Variants in NOD1 observed in about 807,000 individuals in gnomAD.
NOD1 encodes nucleotide binding oligomerization domain containing 1.
A neutral mutation model predicts 81.2 loss-of-function variants in NOD1; 70 were observed. That is an observed-to-expected ratio of 0.86 (90% CI 0.71 to 1.05). NOD1 has a LOEUF of 1.05. NOD1 is among the 50% of genes least tolerant of loss of function. NOD1 has a pLI of 0.00. For synonymous variants in NOD1, 508 were observed against 526.9 expected, an observed-to-expected ratio of 0.96 and a Z score of 0.49; for missense variants, 1,233 against 1,228.0, an observed-to-expected ratio of 1.00 and a Z score of -0.06.
chr7:30,462,664 T>C (rs2063142612), intron 1 of NOD1, among the ~76,000 whole-genome samples: 1 of 152,012 alleles, frequency 6.6e-6, no homozygotes, highest in South Asian at 2.1e-4. Context: ...AAAGAGTACT[T>C]AGGGCTGGGT....
At chr7:30,464,682 C>G (rs899472621) in intron 1 of NOD1, among the ~76,000 whole-genome samples, 2 of 152,198 alleles carry the variant, frequency 1.3e-5, no homozygotes, top group Non-Finnish European at 1.5e-5. Flanking sequence ...CTGTGGGGAA[C>G]AGGGGCACTC....
intron 10 of NOD1, 68 bp downstream of exon 10, chr7:30,437,505 T>TC: frequency 9.8e-7 from 1 of 1,021,378 alleles, no homozygotes; most frequent in African/African-American, 1.7e-5. Context: ...GAATCACCCT[T>TC]CCCCAGCAAA....
intron 12 of NOD1, among the ~76,000 whole-genome samples, chr7:30,431,495 A>G (rs59749412): frequency 0.29 from 43,843 of 152,138 alleles, 6,425 homozygotes; most frequent in Middle Eastern, 0.34. Context: ...AAACCCATAC[A>G]TTTATGGTCA....
chr7:30,435,948 A>T, intron 11 of NOD1, 50 bp downstream of exon 11: 1 of 1,464,140 alleles, frequency 6.8e-7, no homozygotes, highest in South Asian at 1.1e-5. Flanking sequence ...ACAAAGCAAG[A>T]CCCTATCACA....
chr7:30,463,295 A>G (rs1188662039), intron 1 of NOD1, among the ~76,000 whole-genome samples: 1 of 152,240 alleles, frequency 6.6e-6, no homozygotes, highest in Non-Finnish European at 1.5e-5. Context: ...AAGGCAAAAT[A>G]AAGTTTTTCC....
chr7:30,430,046 C>T (rs1006165859), intron 12 of NOD1, among the ~76,000 whole-genome samples: 2 of 152,010 alleles, frequency 1.3e-5, no homozygotes, highest in Admixed American at 6.6e-5. Flanking sequence ...TGGGAGACCA[C>T]CAATCTGAAC....
chr7:30,463,007 G>C (rs569002903), intron 1 of NOD1, among the ~76,000 whole-genome samples: 7 of 150,724 alleles, frequency 4.6e-5, no homozygotes, highest in Non-Finnish European at 8.9e-5. Context: ...CTAGAAATCA[G>C]ATCAATGGTT....
chr7:30,449,921 G>A (rs1407260526), intron 6 of NOD1, among the ~76,000 whole-genome samples: 3 of 152,228 alleles, frequency 2.0e-5, no homozygotes, highest in East Asian at 1.9e-4. Context: ...GGTCGGGTGC[G>A]GCGGCTCATG....
intron 10 of NOD1, 74 bp from the exon 11 acceptor site, chr7:30,436,155 G>GC: frequency 8.1e-7 from 1 of 1,228,650 alleles, no homozygotes; most frequent in Non-Finnish European, 1.2e-6. Context: ...CATCAGAACA[G>GC]CTGGGAAGCC....
intron 4 of NOD1, 121 bp downstream of exon 4, chr7:30,456,600 C>G: frequency 1.2e-6 from 1 of 810,806 alleles, no homozygotes; most frequent in South Asian, 1.5e-5. Context: ...ATTAGTACCC[C>G]AAAATGCAGC....
intron 4 of NOD1, 110 bp downstream of exon 4, chr7:30,456,611 C>A (rs1786397928): frequency 1.1e-6 from 1 of 920,726 alleles, no homozygotes; most frequent in Non-Finnish European, 1.7e-6. Context: ...AAAATGCAGC[C>A]CTGCCCGCTG....
At position 30,452,562 on chromosome 7, in the gene NOD1, G is replaced by A. The variant is rs770912543; in HGVS notation, c.855C>T (p.Gly285=). The A allele has an allele frequency of 9.9e-6, 16 of 1,613,148 alleles. No individual in the cohort carries two copies. Among genetic ancestry groups the A allele is most frequent in the Non-Finnish European group, 1.2e-5 (14 of 1,179,996 alleles). ...FPHVALFTFD[G]LDELHSDLDL... Reference sequence around the variant, plus strand: ...CCAAGTCCGAGTGCAGCTCGTCCAGGCCATCGAAGGTGAAGAGGGCCACGT... The same window carrying A: ...CCAAGTCCGAGTGCAGCTCGTCCAGACCATCGAAGGTGAAGAGGGCCACGT... Residue 285 remains glycine (G), a synonymous_variant, in exon 6 of 14, where the codon GGC becomes GGT. Coordinates refer to ENST00000222823, the MANE Select transcript of NOD1 (RefSeq NM_006092.4).
chr7:30,448,112 G>A, intron 7 of NOD1, 186 bp downstream of exon 7: 1 of 597,366 alleles, frequency 1.7e-6, no homozygotes, highest in East Asian at 2.8e-5. Context: ...AGGAGGCTGA[G>A]GCTCAGCAAG....
At chr7:30,458,037 TC>T (rs1786565969) in intron 3 of NOD1, among the ~76,000 whole-genome samples, 1 of 151,968 alleles carries the variant, frequency 6.6e-6, no homozygotes, top group African/African-American at 2.4e-5. Flanking sequence ...GGGATTAGAT[TC>T]CCAAGAGAGG....
intron 6 of NOD1, among the ~76,000 whole-genome samples, chr7:30,450,184 A>C (rs1211486742): frequency 6.6e-6 from 1 of 151,426 alleles, no homozygotes; most frequent in Non-Finnish European, 1.5e-5. Flanking sequence ...ACAGAGCGGG[A>C]CTCCATTTGG....
Position 30,451,755 on chromosome 7 carries a change from CGCTGCCCCCGCAGGGG to C in NOD1, c.1646_1661del (p.Pro549ArgfsTer60), listed in dbSNP as rs767561587. ...GGAAGGGAGGATAGCAGGACGTGGT[CGCTGCCCCCGCAGGGG>C]GCATCCACTCCTGGAAGAACCTGAG... On this transcript the variant is annotated frameshift_variant, in exon 6 of 14. Coordinates refer to ENST00000222823, the MANE Select transcript of NOD1 (RefSeq NM_006092.4). LOFTEE classifies it high-confidence loss of function. The surrounding 1 kb of genome is among the most constrained non-coding windows in gnomAD (Gnocchi z 4.2). 4 of 1,613,678 alleles carry C rather than the reference CGCTGCCCCCGCAGGGG, an allele frequency of 2.5e-6. No individual in the cohort carries two copies. The Middle Eastern group carries it at 6.6e-4, about 266-fold the overall frequency.
intron 9 of NOD1, among the ~76,000 whole-genome samples, chr7:30,438,067 G>A (rs922986361): frequency 3.3e-5 from 5 of 152,224 alleles, no homozygotes; most frequent in South Asian, 2.1e-4. Flanking sequence ...CCCAGCATCC[G>A]TTCAACTCTG....
chr7:30,478,041 GC>G lies in NOD1; in HGVS notation c.-352+564del, dbSNP rs1363545948. On this transcript the variant is annotated intron_variant, in intron 1 of 13. Coordinates refer to ENST00000222823, the MANE Select transcript of NOD1 (RefSeq NM_006092.4). This position sits in a 1 kb window ranked among gnomAD's most constrained non-coding sequence, Gnocchi z 4.1. ...TTGAATGTGATATTCAGGCGACCTT[GC>G]CAAGCATTGTCTCATTTCCTTACTT... Among the ~76,000 whole-genome samples the G allele has an allele frequency of 2.0e-5, 3 of 152,174 alleles. No individual in the cohort carries two copies. Among genetic ancestry groups the G allele is most frequent in the African/African-American group, 4.8e-5 (2 of 41,444 alleles).
chr7:30,446,187 A>T lies in NOD1; in HGVS notation c.2407T>A (p.Tyr803Asn). The T allele has an allele frequency of 3.8e-6, 6 of 1,571,046 alleles. No individual in the cohort carries two copies. The highest frequency in any genetic ancestry group is 1.1e-5 in the South Asian group (1 of 90,204). Reference sequence around the variant, plus strand: ...CTGTTCTTCACAGCCAGGGCGAGATACTTCCCTCCTTCACTTGTTATTTTG... The same window carrying T: ...CTGTTCTTCACAGCCAGGGCGAGATTCTTCCCTCCTTCACTTGTTATTTTG... ...KNKITSEGGKYLALAVKNSKS... is the reference protein window; with the variant it reads ...KNKITSEGGKNLALAVKNSKS... Residue 803 changes from tyrosine (Y) to asparagine (N), a missense_variant, in exon 9 of 14, where the codon TAT (tyrosine) becomes AAT (asparagine). Physicochemically the swap from Tyr to Asn is moderately radical, Grantham distance 143. Coordinates refer to ENST00000222823, the MANE Select transcript of NOD1 (RefSeq NM_006092.4).
Sources: gnomAD v4.1 joint callset for allele counts (sites outside exome capture counted in the v4.1 genomes callset) on GRCh38, gnomAD v4.1.1 for gene constraint, Gnocchi (gnomAD v3.1) non-coding constraint, MANE v1.5 for transcripts, NCBI Gene and HGNC (gene_info 2026-07-23, HGNC 2026-07-21) for gene names.